ITPR1: variants seen among roughly 807,000 people sequenced by gnomAD.
ITPR1 encodes the protein inositol 1,4,5-trisphosphate-gated calcium channel ITPR1.
In ITPR1, 96 loss-of-function variants were observed where a neutral mutation model predicts 318.4. The ratio of observed to expected loss-of-function variants is 0.30; its 90% CI spans 0.26 to 0.36. ITPR1 has a LOEUF of 0.36. ITPR1 is among the 10% of genes least tolerant of loss of function. The probability of loss-of-function intolerance (pLI) is 1.00; values close to 1 mark genes in which losing one functional copy is unlikely to be tolerated. For synonymous variants in ITPR1, 1,312 were observed against 1,289.9 expected, an observed-to-expected ratio of 1.02 and a Z score of -0.37; for missense variants, 2,440 against 3,460.2, an observed-to-expected ratio of 0.71 and a Z score of 7.40.
At chr3:4,597,518 G>A (rs1471680329) in intron 4 of ITPR1, among the ~76,000 whole-genome samples, 1 of 152,160 alleles carries the variant, frequency 6.6e-6, no homozygotes, top group East Asian at 1.9e-4. Flanking sequence ...GAAGACAAAA[G>A]GGTGTTGGAA....
intron 3 of ITPR1, among the ~76,000 whole-genome samples, chr3:4,519,085 A>C (rs1001010823): frequency 2.6e-5 from 4 of 152,108 alleles, no homozygotes; most frequent in African/African-American, 9.7e-5. Flanking sequence ...AGATGAAAAA[A>C]CTGAGACCGG....
chr3:4,593,059 C>T (rs868066025), intron 4 of ITPR1, among the ~76,000 whole-genome samples: 6 of 152,170 alleles, frequency 3.9e-5, no homozygotes, highest in East Asian at 1.9e-4. Flanking sequence ...AGAACTTGCT[C>T]GAAGTCAGGA....
chr3:4,514,851 T>G (rs2082072571), intron 2 of ITPR1, among the ~76,000 whole-genome samples: 1 of 152,244 alleles, frequency 6.6e-6, no homozygotes, highest in East Asian at 1.9e-4. Context: ...TTGTGCCGCC[T>G]TTCTGGATGC....
chr3:4,659,273 CTG>C (rs1270045943), intron 13 of ITPR1, among the ~76,000 whole-genome samples: 9 of 152,258 alleles, frequency 5.9e-5, no homozygotes, highest in Non-Finnish European at 1.2e-4. Context: ...ACAGAGATGA[CTG>C]TGTCATTTAT....
intron 33 of ITPR1, among the ~76,000 whole-genome samples, chr3:4,694,358 ATG>A (rs1386562182): frequency 6.7e-6 from 1 of 148,466 alleles, no homozygotes; most frequent in Non-Finnish European, 1.5e-5. Context: ...ATTATAAAGT[ATG>A]TATTGTAGGT....
At chr3:4,540,079 G>A (rs970223734) in intron 4 of ITPR1, among the ~76,000 whole-genome samples, 2 of 151,194 alleles carry the variant, frequency 1.3e-5, no homozygotes, top group Non-Finnish European at 1.5e-5. Flanking sequence ...GACAGTAGGT[G>A]TGCAATTTTG....
At chr3:4,688,793 G>T (rs148467367) in intron 31 of ITPR1, among the ~76,000 whole-genome samples, 173 bp downstream of exon 31, 2 of 152,164 alleles carry the variant, frequency 1.3e-5, no homozygotes, top group Non-Finnish European at 2.9e-5. Flanking sequence ...CTCATCTTTT[G>T]GGGATGAGAT....
At chr3:4,596,480 A>C (rs1372994313) in intron 4 of ITPR1, among the ~76,000 whole-genome samples, 2 of 152,242 alleles carry the variant, frequency 1.3e-5, no homozygotes, top group Non-Finnish European at 2.9e-5. Context: ...ATTTAAAGCT[A>C]GCACGGTTGG....
At position 4,759,103 on chromosome 3, in the gene ITPR1, C is replaced by A. The variant is rs185724350; in HGVS notation, c.5545-7427C>A. 3.1e-3 allele frequency among the ~76,000 whole-genome samples: 477 copies of A among 152,170 alleles called. 4 individuals are homozygous for A. The highest frequency in any genetic ancestry group is 0.011 in the African/African-American group (437 of 41,528). On this transcript the variant is annotated intron_variant, in intron 44 of 61. Coordinates refer to ENST00000649015, the MANE Select transcript of ITPR1 (RefSeq NM_001378452.1). ...ACTTGCATCCAGTGATAATTCCAGG[C>A]CCTCTGTCTCCCTGCTGTCACCGAG... is the stretch of plus-strand genomic sequence containing the variant.
chr3:4,658,030 C>T, intron 12 of ITPR1, 94 bp from the exon 13 acceptor site: 1 of 1,249,172 alleles, frequency 8.0e-7, no homozygotes, highest in Non-Finnish European at 1.1e-6. Context: ...CATTCACGAT[C>T]CTTTCTTCTC....
rs1317191762 is a variant in ITPR1 at position 4,670,856 on chromosome 3, AGT to A, written c.2138_2139del (p.Val713GlufsTer8). 1 of 1,610,872 alleles carries A rather than the reference AGT, an allele frequency of 6.2e-7. No individual in the cohort carries two copies. The highest frequency in any genetic ancestry group is 1.3e-5 in the African/African-American group (1 of 74,880). On this transcript the variant is annotated frameshift_variant, in exon 20 of 62. Transcript: ENST00000649015. LOFTEE classifies it high-confidence loss of function. Reference sequence around the variant, plus strand: ...CAGCAACAAAGAGATTCGCAGCAAGAGTGTGAGGGAATTGGCTCAGGATGCTA... The same window carrying A: ...CAGCAACAAAGAGATTCGCAGCAAGAGTGAGGGAATTGGCTCAGGATGCTA... ...RDSNKEIRSK[S>X]VRELAQDAKE...
chr3:4,505,163 C>T (rs2081311998), intron 2 of ITPR1, among the ~76,000 whole-genome samples: 1 of 152,120 alleles, frequency 6.6e-6, no homozygotes, highest in African/African-American at 2.4e-5. Context: ...TGTGTAAGCC[C>T]CTCTCTTTGC....
At chr3:4,766,467 C>A in intron 44 of ITPR1, 63 bp from the exon 45 acceptor site, 1 of 1,420,946 alleles carries the variant, frequency 7.0e-7, no homozygotes, top group East Asian at 2.3e-5. Flanking sequence ...GTTTTGGTGT[C>A]ATGAGTGGGG....
rs1417886060 is a variant in ITPR1, at chr3:4,846,925, C to A, written c.*700C>A. 1 of 152,582 alleles carries A rather than the reference C, an allele frequency of 6.6e-6. No homozygotes were observed. Among genetic ancestry groups the A allele is most frequent in the Non-Finnish European group, 1.5e-5 (1 of 68,024 alleles). 9.5% of individuals were successfully genotyped at this position (152,582 alleles called of 1,614,324 possible). Reference sequence around the variant, plus strand: ...TCTAAATTGATCATTTAAACTATTTCTTTAAATAAGAGAGCCAAATTAGAG... The same window carrying A: ...TCTAAATTGATCATTTAAACTATTTATTTAAATAAGAGAGCCAAATTAGAG... On this transcript the variant is annotated 3_prime_UTR_variant, in exon 62 of 62. Transcript: ENST00000649015.
At chr3:4,613,823 T>C (rs2092270829) in intron 4 of ITPR1, among the ~76,000 whole-genome samples, 1 of 152,286 alleles carries the variant, frequency 6.6e-6, no homozygotes, top group African/African-American at 2.4e-5. Context: ...TATACAGATA[T>C]ATAGGCATAT....
At chr3:4,832,650 CCTTT>C (rs1164411121) in intron 60 of ITPR1, among the ~76,000 whole-genome samples, 1 of 152,112 alleles carries the variant, frequency 6.6e-6, no homozygotes, top group African/African-American at 2.4e-5. Flanking sequence ...AATAAATTGA[CCTTT>C]CTATCTGGTC....
At chr3:4,673,037 A>C (rs559935459) in intron 20 of ITPR1, 99 bp from the exon 21 acceptor site, 1 of 1,356,310 alleles carries the variant, frequency 7.4e-7, no homozygotes, top group Admixed American at 2.4e-5. Context: ...TAGTTGGCCA[A>C]ATGTCACTCC....
chr3:4,619,557 C>T (rs2092517266), intron 4 of ITPR1, among the ~76,000 whole-genome samples: 1 of 134,348 alleles, frequency 7.4e-6, no homozygotes, highest in Non-Finnish European at 1.6e-5. Flanking sequence ...CCCTTTCCCC[C>T]TTCCCCTGCC....
intron 60 of ITPR1, among the ~76,000 whole-genome samples, chr3:4,819,604 A>T (rs183680870): frequency 3.9e-5 from 6 of 152,320 alleles, no homozygotes; most frequent in Non-Finnish European, 7.4e-5. Context: ...AATCCTTTAC[A>T]TACATTTGGC....
Sources: allele counts gnomAD v4.1 joint callset (sites outside exome capture counted in the v4.1 genomes callset), GRCh38; gene constraint gnomAD v4.1.1; transcripts MANE v1.5; gene names NCBI Gene and HGNC (gene_info 2026-07-23, HGNC 2026-07-21).